Variants in SLC2A13 observed in about 807,000 individuals in gnomAD.
SLC2A13 encodes proton myo-inositol cotransporter.
Under a neutral mutation model 64.4 loss-of-function variants are expected in SLC2A13, and 32 were observed. The observed-to-expected ratio is 0.50, with a 90% CI of 0.37 to 0.67. The LOEUF is 0.67. Ranked by LOEUF, SLC2A13 falls within the 30% of genes least tolerant of loss-of-function variation. SLC2A13 has a pLI of 0.00. For missense variants in SLC2A13, 743 were observed against 829.2 expected (o/e 0.90, Z 1.28); for synonymous variants, 338 against 327.1 (o/e 1.03, Z -0.36).
intron 3 of SLC2A13, among the ~76,000 whole-genome samples, chr12:40,000,312 C>T (rs2136180967): frequency 7.1e-6 from 1 of 140,778 alleles, no homozygotes; most frequent in Non-Finnish European, 1.6e-5. Flanking sequence ...ACAACAACAA[C>T]AGCAACAAAA....
chr12:39,764,531 C>A lies in SLC2A13; in HGVS notation c.1649G>T (p.Gly550Val). 2 of 1,612,178 alleles carry A rather than the reference C, an allele frequency of 1.2e-6. No homozygotes were observed. The highest frequency in any genetic ancestry group is 1.7e-6 in the Non-Finnish European group (2 of 1,179,224). ...ARSTGNACSS[G>V]INWIFNVLVS... ...CAGGACATTGAAAATCCAGTTTATT[C>A]CAGATGAACATGCATTTCCTGTACT... Residue 550 changes from glycine to valine, a missense_variant, in exon 9 of 10, where the codon GGA becomes GTA. Physicochemically the swap from Gly to Val is moderately radical, Grantham distance 109 (BLOSUM62 -3). This residue lies in a region of SLC2A13 where 295 missense variants were observed against 381.7 expected (regional missense o/e 0.77). Coordinates refer to ENST00000280871, the MANE Select transcript of SLC2A13 (RefSeq NM_052885.4).
At chr12:40,087,886 A>G (rs1387267244) in intron 1 of SLC2A13, among the ~76,000 whole-genome samples, 1 of 152,190 alleles carries the variant, frequency 6.6e-6, no homozygotes, top group African/African-American at 2.4e-5. Context: ...AAATAACTAT[A>G]ATTTATACTG....
chr12:40,105,415 C>T lies in SLC2A13; in HGVS notation c.394G>A (p.Ala132Thr), dbSNP rs921216683. 20 of 1,548,900 alleles carry T rather than the reference C, an allele frequency of 1.3e-5. No individual in the cohort carries two copies. The highest frequency in any genetic ancestry group is 1.6e-5 in the Non-Finnish European group (18 of 1,147,618). ...LLVSSTVGAAAVSALAGGALN... is the reference protein window; with the variant it reads ...LLVSSTVGAATVSALAGGALN... The stretch of plus-strand genomic sequence containing the variant: ...GCGCCTCCGGCCAGCGCCGAGACGG[C>T]AGCCGCCCCCACCGTGCTGGACACC... Residue 132 changes from alanine to threonine, a missense_variant, in exon 1 of 10, where the codon GCC becomes ACC. Ala to Thr is a moderately conservative substitution (Grantham distance 58). Around this residue, in one of 2 missense-constraint regions of SLC2A13, gnomAD observed 448 missense variants for 447.4 expected, o/e 1.00. Coordinates refer to ENST00000280871, the MANE Select transcript of SLC2A13 (RefSeq NM_052885.4). This position sits in a 1 kb window ranked among gnomAD's most constrained non-coding sequence, Gnocchi z 4.2.
chr12:39,861,288 GTTTAAGGCAT>G (rs958115948), intron 6 of SLC2A13, among the ~76,000 whole-genome samples: 7 of 152,164 alleles, frequency 4.6e-5, no homozygotes, highest in African/African-American at 1.7e-4. Flanking sequence ...GCCAAGCACT[GTTTAAGGCAT>G]TTTCCATATG....
chr12:39,950,395 A>C (rs889675483), intron 4 of SLC2A13: 12 of 152,198 alleles, frequency 7.9e-5, no homozygotes, highest in African/African-American at 2.9e-4. Context: ...ATCTAACAAT[A>C]TGTGCCCTGG....
chr12:39,864,927 G>A (rs2135927214), intron 5 of SLC2A13, 45 bp from the exon 6 acceptor site: 1 of 1,536,942 alleles, frequency 6.5e-7, no homozygotes, highest in Non-Finnish European at 8.8e-7. Flanking sequence ...TGACAATATT[G>A]TTTTAAGGCA....
chr12:39,888,549 C>T (rs1324927360), intron 4 of SLC2A13, among the ~76,000 whole-genome samples: 1 of 152,184 alleles, frequency 6.6e-6, no homozygotes. Context: ...ACTTAACATG[C>T]AACTTAGCAG....
chr12:39,758,501 A>G lies in SLC2A13; in HGVS notation c.*1525T>C, dbSNP rs1940029768. On this transcript the variant is annotated 3_prime_UTR_variant, in exon 10 of 10. Transcript: ENST00000280871. ...CTGATGTATTCCTAACTGGCCACAG[A>G]AGATTCATTCATATTTTTCCTGGAA... 6.6e-6 allele frequency: 1 copy of G among 151,976 alleles called. No individual in the cohort carries two copies. Among genetic ancestry groups the G allele is most frequent in the South Asian group, 2.1e-4 (1 of 4,832 alleles). 9.4% of individuals were successfully genotyped at this position (151,976 alleles called of 1,614,324 possible).
At chr12:40,011,716 G>A (rs1249701705) in intron 3 of SLC2A13, among the ~76,000 whole-genome samples, 2 of 151,982 alleles carry the variant, frequency 1.3e-5, no homozygotes, top group African/African-American at 2.4e-5. Flanking sequence ...ATGTATACCC[G>A]ATGCCTAGCT....
At chr12:39,883,513 G>A (rs182178589) in intron 4 of SLC2A13, among the ~76,000 whole-genome samples, 63 of 152,220 alleles carry the variant, frequency 4.1e-4, no homozygotes, top group South Asian at 1.2e-3. Flanking sequence ...CAAACAGGAC[G>A]GAAAAAGGTG....
chr12:39,833,482 A>G (rs1009788903), intron 6 of SLC2A13, among the ~76,000 whole-genome samples: 2 of 151,966 alleles, frequency 1.3e-5, no homozygotes, highest in Non-Finnish European at 2.9e-5. Context: ...CTTCATGTGA[A>G]TCCTTCTAAC....
At chr12:39,831,911 C>T (rs1178420407) in intron 6 of SLC2A13, among the ~76,000 whole-genome samples, 2 of 152,128 alleles carry the variant, frequency 1.3e-5, no homozygotes, top group African/African-American at 4.8e-5. Flanking sequence ...CCAATTAATC[C>T]TCTTTTCTTT....
At chr12:39,959,523 G>A (rs565698470) in intron 3 of SLC2A13, among the ~76,000 whole-genome samples, 50 of 152,340 alleles carry the variant, frequency 3.3e-4, no homozygotes, top group African/African-American at 1.1e-3. Context: ...AAGAGGAGAT[G>A]ATTATAGGTC....
At chr12:39,969,210 T>A (rs1045487419) in intron 3 of SLC2A13, among the ~76,000 whole-genome samples, 17 of 152,202 alleles carry the variant, frequency 1.1e-4, no homozygotes, top group Admixed American at 4.6e-4. Flanking sequence ...TGATGGACAT[T>A]TGGGTTGGTT....
chr12:39,940,212 G>C (rs1264300477), intron 4 of SLC2A13, among the ~76,000 whole-genome samples: 1 of 152,212 alleles, frequency 6.6e-6, no homozygotes, highest in Non-Finnish European at 1.5e-5. Flanking sequence ...ACACTTTAGA[G>C]AGATGCTGCT....
intron 7 of SLC2A13, among the ~76,000 whole-genome samples, chr12:39,790,628 A>C (rs1198906482): frequency 3.8e-5 from 5 of 130,704 alleles, no homozygotes; most frequent in Admixed American, 2.4e-4. Flanking sequence ...ATTGTTGGAC[A>C]TTTGGGTTGG....
At chr12:40,047,433 T>C (rs1274562965) in intron 2 of SLC2A13, among the ~76,000 whole-genome samples, 1 of 152,346 alleles carries the variant, frequency 6.6e-6, no homozygotes, top group South Asian at 2.1e-4. Flanking sequence ...ATGAGTACTA[T>C]AAAGATATCA....
chr12:40,023,020 G>C (rs766562751), intron 3 of SLC2A13, among the ~76,000 whole-genome samples: 3 of 152,164 alleles, frequency 2.0e-5, no homozygotes, highest in Non-Finnish European at 2.9e-5. Flanking sequence ...CATGCAGTCA[G>C]TGTCTCCCTT....
At chr12:39,797,738 A>ACACACG (rs1941624918) in intron 7 of SLC2A13, among the ~76,000 whole-genome samples, 1 of 52,490 alleles carries the variant, frequency 1.9e-5, no homozygotes, top group Non-Finnish European at 4.0e-5. Context: ...ACACACACAC[A>ACACACG]CACACACACA....
Sources: gnomAD v4.1 joint callset for allele counts (sites outside exome capture counted in the v4.1 genomes callset) on GRCh38, gnomAD v4.1.1 for gene constraint, gnomAD v4.1.1 regional missense constraint, Gnocchi (gnomAD v3.1) non-coding constraint, MANE v1.5 for transcripts, NCBI Gene and HGNC (gene_info 2026-07-23, HGNC 2026-07-21) for gene names.